ABRAXAS2: variants seen among roughly 807,000 people sequenced by gnomAD.
The protein encoded by ABRAXAS2 is abraxas 2, BRISC complex subunit, also known as BRISC complex subunit Abraxas 2.
Under a neutral mutation model 49.0 loss-of-function variants are expected in ABRAXAS2, and 23 were observed. The observed-to-expected ratio is 0.47, with a 90% CI of 0.34 to 0.66. ABRAXAS2 has a LOEUF of 0.66. ABRAXAS2 is among the 30% of genes least tolerant of loss of function. ABRAXAS2 has a pLI of 0.01. For synonymous variants in ABRAXAS2, 168 were observed against 180.2 expected (o/e 0.93, Z 0.54); for missense variants, 443 against 511.9 (o/e 0.87, Z 1.30).
intron 6 of ABRAXAS2, 45 bp downstream of exon 6, chr10:124,828,920 ATT>A: frequency 6.3e-7 from 1 of 1,594,476 alleles, no homozygotes; most frequent in African/African-American, 1.3e-5. Context: ...TGTCAGCAAT[ATT>A]TCTTTTGTTA....
chr10:124,822,352 G>A (rs774292978), intron 4 of ABRAXAS2, among the ~76,000 whole-genome samples: 27 of 152,186 alleles, frequency 1.8e-4, no homozygotes, highest in Admixed American at 1.4e-3. Context: ...CAAATACACA[G>A]GAAACGATCT....
chr10:124,809,786 CTT>C (rs922541873), intron 2 of ABRAXAS2, among the ~76,000 whole-genome samples: 2 of 146,948 alleles, frequency 1.4e-5, no homozygotes, highest in Non-Finnish European at 1.5e-5. Flanking sequence ...GAGTTTCACT[CTT>C]GTTTCCCAGG....
intron 2 of ABRAXAS2, among the ~76,000 whole-genome samples, chr10:124,814,411 G>A (rs1950810455): frequency 6.6e-6 from 1 of 151,936 alleles, no homozygotes; most frequent in South Asian, 2.1e-4. Flanking sequence ...GTGCAATGGT[G>A]TGATCTCGGC....
At chr10:124,825,443 T>G in intron 4 of ABRAXAS2, among the ~76,000 whole-genome samples, 1 of 152,196 alleles carries the variant, frequency 6.6e-6, no homozygotes, top group Non-Finnish European at 1.5e-5. Flanking sequence ...GTAGTACTCC[T>G]TAAGTCAGGA....
At chr10:124,825,974 A>C (rs1950893670) in intron 4 of ABRAXAS2, among the ~76,000 whole-genome samples, 2 of 152,220 alleles carry the variant, frequency 1.3e-5, no homozygotes, top group Admixed American at 6.5e-5. Flanking sequence ...TGACCAACAA[A>C]TCACATTATG....
chr10:124,821,242 G>T (rs1417466809), intron 4 of ABRAXAS2, among the ~76,000 whole-genome samples: 1 of 149,968 alleles, frequency 6.7e-6, no homozygotes, highest in African/African-American at 2.4e-5. Flanking sequence ...AGAAAAATGA[G>T]TAACGACCAT....
At chr10:124,828,162 T>C (rs909656617) in intron 5 of ABRAXAS2, among the ~76,000 whole-genome samples, 33 of 152,204 alleles carry the variant, frequency 2.2e-4, no homozygotes, top group Non-Finnish European at 4.1e-4. Context: ...GCCCCATTCT[T>C]GCTTTAGTTA....
chr10:124,822,522 G>T (rs1950868008), intron 4 of ABRAXAS2, among the ~76,000 whole-genome samples: 1 of 152,122 alleles, frequency 6.6e-6, no homozygotes, highest in Admixed American at 6.5e-5. Context: ...GCCGGGCTCG[G>T]TGGCTCATGC....
chr10:124,812,065 C>G (rs563159568), intron 2 of ABRAXAS2, among the ~76,000 whole-genome samples: 202 of 152,330 alleles, frequency 1.3e-3, no homozygotes, highest in African/African-American at 4.6e-3. Context: ...GCGTAAGCCA[C>G]CACACCCAGC....
At chr10:124,817,127 G>A (rs926053533) in intron 3 of ABRAXAS2, among the ~76,000 whole-genome samples, 7 of 152,074 alleles carry the variant, frequency 4.6e-5, no homozygotes, top group Admixed American at 2.6e-4. Flanking sequence ...TATGAATGAG[G>A]CACAGTAAGA....
intron 2 of ABRAXAS2, among the ~76,000 whole-genome samples, chr10:124,815,396 G>T (rs946475073): frequency 6.6e-6 from 1 of 151,654 alleles, no homozygotes; most frequent in African/African-American, 2.4e-5. Flanking sequence ...AGGTTTCACC[G>T]TGTTAGCCAG....
chr10:124,823,275 A>G (rs1564923034), intron 4 of ABRAXAS2, among the ~76,000 whole-genome samples: 1 of 152,214 alleles, frequency 6.6e-6, no homozygotes, highest in Non-Finnish European at 1.5e-5. Flanking sequence ...GGATAAGTAC[A>G]AAATTTTATC....
chr10:124,829,695 T>C (rs1319510353), intron 7 of ABRAXAS2, among the ~76,000 whole-genome samples: 1 of 152,256 alleles, frequency 6.6e-6, no homozygotes, highest in Admixed American at 6.5e-5. Context: ...TTGTTAATAC[T>C]ACTGTTTCAA....
chr10:124,834,960 TC>T lies in ABRAXAS2; in HGVS notation c.1240del (p.Gln414ArgfsTer4), dbSNP rs1275133521. The T allele has an allele frequency of 3.8e-6, 6 of 1,598,264 alleles. No individual in the cohort carries two copies. The highest frequency in any genetic ancestry group is 5.1e-6 in the Non-Finnish European group (6 of 1,173,806). On this transcript the variant is annotated frameshift_variant, in exon 9 of 9. Transcript: ENST00000298492. LOFTEE classifies it high-confidence loss of function. ...CGAGGACCCCAGGAACACTCAGACC[TC>T]CCAGATTTAACTAAACAAAAGAAAC... Reference protein sequence around the residue: ...PDEDPRNTQTSQI With the variant: ...PDEDPRNTQTXQI
chr10:124,816,621 T>C lies in ABRAXAS2; in HGVS notation c.200+9T>C. ...TGTTCAAAACTTTTTAGGTAAGCCATATGTAAGCTTTTAGTCCTTACTAAA... is the reference window on the plus strand; with the variant it reads ...TGTTCAAAACTTTTTAGGTAAGCCACATGTAAGCTTTTAGTCCTTACTAAA... On this transcript the variant is annotated intron_variant, in intron 3 of 8. Coordinates refer to ENST00000298492, the MANE Select transcript of ABRAXAS2 (RefSeq NM_032182.4). 1.3e-6 allele frequency: 2 copies of C among 1,593,894 alleles called. No individual in the cohort carries two copies. Among genetic ancestry groups the C allele is most frequent in the East Asian group, 4.5e-5 (2 of 44,762 alleles).
chr10:124,820,930 T>G (rs960855563), intron 4 of ABRAXAS2, among the ~76,000 whole-genome samples: 4 of 152,146 alleles, frequency 2.6e-5, no homozygotes, highest in African/African-American at 7.2e-5. Context: ...TTATTTATTT[T>G]GAGATGGGGG....
intron 7 of ABRAXAS2, among the ~76,000 whole-genome samples, chr10:124,830,197 C>T (rs981839638): frequency 2.6e-5 from 4 of 152,282 alleles, no homozygotes. Context: ...GTCATCCCAG[C>T]ATTTTGGGAG....
intron 2 of ABRAXAS2, among the ~76,000 whole-genome samples, chr10:124,812,414 G>T (rs915654525): frequency 6.6e-6 from 1 of 152,168 alleles, no homozygotes; most frequent in Non-Finnish European, 1.5e-5. Flanking sequence ...AAAGGCCGTG[G>T]TAGGAGGATT....
At chr10:124,805,120 T>A (rs1950732259) in intron 1 of ABRAXAS2, among the ~76,000 whole-genome samples, 1 of 152,064 alleles carries the variant, frequency 6.6e-6, no homozygotes, top group Non-Finnish European at 1.5e-5. Context: ...GTCTGTCTTG[T>A]CAGGAGATCG....
Sources: allele counts gnomAD v4.1 joint callset (sites outside exome capture counted in the v4.1 genomes callset), GRCh38; gene constraint gnomAD v4.1.1; transcripts MANE v1.5; gene names NCBI Gene and HGNC (gene_info 2026-07-23, HGNC 2026-07-21).